The following TEKT3 variants were observed in gnomAD, a reference collection of about 807,000 sequenced individuals.
The protein encoded by TEKT3 is tektin 3, also known as tektin-3.
In TEKT3, 49 loss-of-function variants were observed where a neutral mutation model predicts 49.8. The ratio of observed to expected loss-of-function variants is 0.98; its 90% CI spans 0.78 to 1.25. The LOEUF is 1.25. Ranked by LOEUF, TEKT3 falls within the 50% of genes most tolerant of loss-of-function variation. TEKT3 has a pLI of 0.00. For synonymous variants in TEKT3, 225 were observed against 237.2 expected (o/e 0.95, Z 0.47); for missense variants, 595 against 629.5 (o/e 0.95, Z 0.59).
At chr17:15,323,388 G>C (rs941655056) in intron 4 of TEKT3, among the ~76,000 whole-genome samples, 11 of 152,212 alleles carry the variant, frequency 7.2e-5, no homozygotes, top group African/African-American at 2.7e-4. Flanking sequence ...CCCAGAGCCA[G>C]ACCAGGGCAG....
Position 15,331,118 on chromosome 17 carries a change from C to T in TEKT3, c.468G>A (p.Trp156Ter), listed in dbSNP as rs371515265. The T allele has an allele frequency of 6.2e-7, 1 of 1,614,202 alleles. No individual in the cohort carries two copies. Residue 156 changes from tryptophan (W) to a stop codon, truncating the protein, a stop_gained, in exon 3 of 9, where the codon TGG (tryptophan) becomes TGA (stop). Coordinates refer to ENST00000395930, the MANE Select transcript of TEKT3 (RefSeq NM_031898.3). LOFTEE classifies it high-confidence loss of function. ...LGERVNDIGF[W>*]KSEIIHELDE... ...CCAACTCATGAATGATTTCAGATTTCCAAAACCCTATGTCATTGACACGTT... is the reference window on the plus strand; with the variant it reads ...CCAACTCATGAATGATTTCAGATTTTCAAAACCCTATGTCATTGACACGTT...
Position 15,312,333 on chromosome 17 carries a change from C to T in TEKT3, c.1027G>A (p.Val343Met). The stretch of plus-strand genomic sequence containing the variant: ...ATGCGATTGGTGAAAGACAAGTTCA[C>T]TTTGTTGAATTGATTCCACATCTCA... The part of the protein sequence containing the change: ...ANEMWNQFNK[V>M]NLSFTNRIAE... The change falls in exon 7 of 9, where the codon GTG becomes ATG. Residue 343 changes from valine (V) to methionine (M), a missense_variant. By Grantham distance (21) the Val-to-Met change is conservative (BLOSUM62 1). Coordinates refer to ENST00000395930, the MANE Select transcript of TEKT3 (RefSeq NM_031898.3). The T allele has an allele frequency of 1.9e-6, 3 of 1,614,240 alleles. No homozygotes were observed. The highest frequency in any genetic ancestry group is 2.5e-6 in the Non-Finnish European group (3 of 1,180,046).
At chr17:15,339,220 T>C (rs1281180688) in intron 2 of TEKT3, among the ~76,000 whole-genome samples, 1 of 152,168 alleles carries the variant, frequency 6.6e-6, no homozygotes, top group Non-Finnish European at 1.5e-5. Flanking sequence ...TGCCATATTA[T>C]GATGTAGCAA....
chr17:15,327,202 A>C (rs1363456726), intron 4 of TEKT3, among the ~76,000 whole-genome samples: 1 of 151,984 alleles, frequency 6.6e-6, no homozygotes, highest in Non-Finnish European at 1.5e-5. Context: ...AACACTGCCT[A>C]ACCATTAAAA....
At chr17:15,328,480 T>C (rs1353780011) in intron 3 of TEKT3, among the ~76,000 whole-genome samples, 5 of 152,222 alleles carry the variant, frequency 3.3e-5, no homozygotes, top group Non-Finnish European at 1.5e-5. Flanking sequence ...TGAATGATTA[T>C]CTTTAAAAAC....
intron 2 of TEKT3, among the ~76,000 whole-genome samples, chr17:15,334,889 A>G (rs1911919467): frequency 6.6e-6 from 1 of 152,240 alleles, no homozygotes; most frequent in Admixed American, 6.5e-5. Context: ...GACTGTCATG[A>G]ACTAAGAAAT....
At chr17:15,305,060 G>T (rs543212216) in intron 8 of TEKT3, among the ~76,000 whole-genome samples, 3 of 152,290 alleles carry the variant, frequency 2.0e-5, no homozygotes, top group African/African-American at 7.2e-5. Context: ...TACTTATTGG[G>T]TGAAGACCAA....
intron 3 of TEKT3, among the ~76,000 whole-genome samples, chr17:15,328,489 AC>A (rs540244390): frequency 9.2e-4 from 140 of 152,336 alleles, no homozygotes; most frequent in South Asian, 8.1e-3. Context: ...ATCTTTAAAA[AC>A]ATCAAAATTT....
At chr17:15,318,891 A>T (rs2150741228) in intron 5 of TEKT3, among the ~76,000 whole-genome samples, 186 bp downstream of exon 5, 1 of 152,372 alleles carries the variant, frequency 6.6e-6, no homozygotes, top group Non-Finnish European at 1.5e-5. Context: ...TGATACAGGC[A>T]TACAACGTGT....
chr17:15,324,265 G>A (rs775669342), intron 4 of TEKT3, among the ~76,000 whole-genome samples: 1 of 152,184 alleles, frequency 6.6e-6, no homozygotes, highest in African/African-American at 2.4e-5. Flanking sequence ...TATAGCAACA[G>A]ATAAGCACAT....
intron 4 of TEKT3, among the ~76,000 whole-genome samples, chr17:15,321,176 A>AT (rs1911239217): frequency 6.6e-6 from 1 of 151,888 alleles, no homozygotes; most frequent in South Asian, 2.1e-4. Context: ...TGCCTGGCTA[A>AT]TTTTTTGTAT....
chr17:15,313,896 T>C (rs1910877169), intron 6 of TEKT3, among the ~76,000 whole-genome samples, 191 bp downstream of exon 6: 1 of 152,222 alleles, frequency 6.6e-6, no homozygotes. Flanking sequence ...TACAAAAGAA[T>C]TCAGGATGCA....
At chr17:15,317,015 G>A (rs1911038955) in intron 5 of TEKT3, among the ~76,000 whole-genome samples, 1 of 152,056 alleles carries the variant, frequency 6.6e-6, no homozygotes, top group Admixed American at 6.6e-5. Context: ...CCAAGCTGAG[G>A]GTTTCATTGC....
chr17:15,325,565 C>T (rs1484880892), intron 4 of TEKT3, among the ~76,000 whole-genome samples: 1 of 152,064 alleles, frequency 6.6e-6, no homozygotes, highest in African/African-American at 2.4e-5. Flanking sequence ...GTGTGGGACC[C>T]AGCCATTGAT....
chr17:15,310,538 G>GA (rs1396507069), intron 7 of TEKT3, among the ~76,000 whole-genome samples: 3 of 152,112 alleles, frequency 2.0e-5, no homozygotes, highest in Non-Finnish European at 4.4e-5. Context: ...AAGACACAGG[G>GA]AGAAGGTGGC....
chr17:15,311,624 T>C (rs1910774475), intron 7 of TEKT3, among the ~76,000 whole-genome samples: 1 of 152,190 alleles, frequency 6.6e-6, no homozygotes, highest in South Asian at 2.1e-4. Context: ...CCCATGAATA[T>C]GTACAATTAT....
intron 7 of TEKT3, among the ~76,000 whole-genome samples, chr17:15,310,029 A>T (rs7222599): frequency 6.6e-6 from 1 of 152,112 alleles, no homozygotes; most frequent in Non-Finnish European, 1.5e-5. Flanking sequence ...GCACTCTTCA[A>T]TCTGTCACTT....
rs114790791 is a variant in TEKT3, at chr17:15,316,669, C to T, written c.734+2408G>A. 5.2e-3 allele frequency among the ~76,000 whole-genome samples: 792 copies of T among 152,314 alleles called. 6 individuals carry two copies. The highest frequency in any genetic ancestry group is 0.018 in the African/African-American group (764 of 41,582). On this transcript the variant is annotated intron_variant, in intron 5 of 8. Transcript: ENST00000395930. Reference sequence around the variant, plus strand: ...AAAAGCCATATGCTTCAGCATCAGACAGCCCTGGTTCAAATGTCTTTGCTG... The same window carrying T: ...AAAAGCCATATGCTTCAGCATCAGATAGCCCTGGTTCAAATGTCTTTGCTG...
intron 4 of TEKT3, among the ~76,000 whole-genome samples, chr17:15,324,997 A>G (rs547040449): frequency 5.6e-4 from 85 of 152,308 alleles, no homozygotes; most frequent in African/African-American, 1.6e-3. Context: ...TGGATATCCA[A>G]TTGTCCAAAT....
Sources: allele counts gnomAD v4.1 joint callset (sites outside exome capture counted in the v4.1 genomes callset), GRCh38; gene constraint gnomAD v4.1.1; transcripts MANE v1.5; gene names NCBI Gene and HGNC (gene_info 2026-07-23, HGNC 2026-07-21).